SRRM4: variants seen among roughly 807,000 people sequenced by gnomAD.
The protein encoded by SRRM4 is serine/arginine repetitive matrix 4, also known as serine/arginine repetitive matrix protein 4.
SRRM4 carries 33 observed loss-of-function variants against 68.9 expected under a neutral mutation model. The ratio of observed to expected loss-of-function variants is 0.48; its 90% CI spans 0.36 to 0.64. The LOEUF (loss-of-function observed/expected upper bound fraction) is 0.64. Ranked by LOEUF, SRRM4 falls within the 30% of genes least tolerant of loss-of-function variation. SRRM4 has a pLI of 0.00. For synonymous variants in SRRM4, 318 were observed against 318.8 expected (o/e 1.00, Z 0.03); for missense variants, 817 against 827.1 (o/e 0.99, Z 0.15).
chr12:119,134,300 T>G (rs1954315171), intron 8 of SRRM4, among the ~76,000 whole-genome samples: 1 of 146,916 alleles, frequency 6.8e-6, no homozygotes. Context: ...AAATAGAAGA[T>G]CCCAAGACAG....
chr12:118,999,341 A>G (rs761872617), intron 1 of SRRM4, among the ~76,000 whole-genome samples: 1 of 152,138 alleles, frequency 6.6e-6, no homozygotes, highest in Non-Finnish European at 1.5e-5. Context: ...GGACAACGCC[A>G]GCTTTGCCTT....
In SRRM4 at chr12:119,121,549, T is replaced by C. The variant is rs142886453; in HGVS notation, c.465-521T>C. Among the ~76,000 whole-genome samples, 17 of 152,346 alleles carry C rather than the reference T, an allele frequency of 1.1e-4. 1 individual carries two copies. In the East Asian group the frequency reaches 3.1e-3, roughly 28 times the overall value. On this transcript the variant is annotated intron_variant, in intron 5 of 12. Coordinates refer to ENST00000267260, the MANE Select transcript of SRRM4 (RefSeq NM_194286.4). ...ATATTCCATTTGCTTCTCTTATAAA[T>C]TGATTGAACAGCAGTCAAGAGCATG...
chr12:119,061,529 C>G (rs1953812376), intron 1 of SRRM4, among the ~76,000 whole-genome samples: 2 of 152,174 alleles, frequency 1.3e-5, no homozygotes, highest in Admixed American at 1.3e-4. Context: ...TTTCAGGTGT[C>G]TCTCACTTTT....
chr12:119,072,987 G>T (rs1338912520), intron 1 of SRRM4, among the ~76,000 whole-genome samples: 2 of 152,002 alleles, frequency 1.3e-5, no homozygotes, highest in African/African-American at 2.4e-5. Context: ...GCCTCCAAAA[G>T]AGAACAGAGA....
intron 1 of SRRM4, among the ~76,000 whole-genome samples, chr12:119,083,700 C>T (rs746672644): frequency 1.3e-5 from 2 of 152,190 alleles, no homozygotes; most frequent in Non-Finnish European, 2.9e-5. Context: ...TGGCCAGGGA[C>T]ATTTGCTGGT....
intron 1 of SRRM4, among the ~76,000 whole-genome samples, chr12:119,011,626 A>G (rs1953450317): frequency 6.6e-6 from 1 of 152,244 alleles, no homozygotes. Flanking sequence ...GACTTTGGAA[A>G]TTAAAAAAAT....
intron 1 of SRRM4, among the ~76,000 whole-genome samples, chr12:119,013,784 G>A (rs998818123): frequency 1.3e-5 from 2 of 152,072 alleles, no homozygotes; most frequent in African/African-American, 4.8e-5. Flanking sequence ...GTAACAAACA[G>A]TACTACTGTA....
At chr12:119,087,019 G>C (rs896636655) in intron 1 of SRRM4, among the ~76,000 whole-genome samples, 4 of 152,198 alleles carry the variant, frequency 2.6e-5, no homozygotes, top group African/African-American at 7.2e-5. Context: ...TCTACGCGTG[G>C]TTCCCATGGT....
At chr12:119,130,931 C>A in intron 8 of SRRM4, 97 bp downstream of exon 8, 1 of 1,221,748 alleles carries the variant, frequency 8.2e-7, no homozygotes, top group Non-Finnish European at 1.1e-6. Flanking sequence ...CACTTTAATT[C>A]AATTTCTGAC....
intron 1 of SRRM4, among the ~76,000 whole-genome samples, chr12:118,993,075 C>T (rs764502841): frequency 3.3e-5 from 5 of 152,158 alleles, no homozygotes; most frequent in Non-Finnish European, 7.3e-5. Context: ...ATCCTCACTA[C>T]AGTAAGTACC....
intron 1 of SRRM4, among the ~76,000 whole-genome samples, chr12:119,069,054 G>T (rs989962838): frequency 5.9e-5 from 9 of 152,140 alleles, no homozygotes; most frequent in African/African-American, 2.2e-4. Context: ...CAAGGTGGCT[G>T]AGGGAGAGAA....
intron 8 of SRRM4, among the ~76,000 whole-genome samples, chr12:119,134,520 C>T (rs66754287): frequency 0.11 from 16,532 of 151,996 alleles, 1,115 homozygotes; most frequent in African/African-American, 0.18. Flanking sequence ...GTCAGGAGCA[C>T]CAGTACTTTC....
chr12:119,073,518 T>C (rs1953890666), intron 1 of SRRM4, among the ~76,000 whole-genome samples: 1 of 152,034 alleles, frequency 6.6e-6, no homozygotes, highest in Admixed American at 6.6e-5. Flanking sequence ...AGAGATGGGG[T>C]TTAGCCATGT....
chr12:119,154,371 G>C lies in SRRM4; in HGVS notation c.1520G>C (p.Arg507Pro). Residue 507 changes from arginine (R) to proline (P), a missense_variant, in exon 12 of 13, where the codon CGG becomes CCG. Transcript: ENST00000267260. The surrounding 1 kb of genome is among the most constrained non-coding windows in gnomAD (Gnocchi z 4.7). Reference protein sequence around the residue: ...RRDSPSHLEARRITSARKRPI... With the variant: ...RRDSPSHLEAPRITSARKRPI... ...GACTCCCCGAGCCACCTGGAGGCCC[G>C]GAGGATAACCAGGTGAGGCCAGGGG... The C allele has an allele frequency of 6.2e-7, 1 of 1,613,004 alleles. No individual in the cohort carries two copies. Among genetic ancestry groups the C allele is most frequent in the Non-Finnish European group, 8.5e-7 (1 of 1,179,744 alleles).
At position 118,998,268 on chromosome 12, in the gene SRRM4, C is replaced by CAAAAAAAAAAAA. The variant is rs35250419; in HGVS notation, c.131+16275_131+16286dup. Among the ~76,000 whole-genome samples, 22 of 36,584 alleles carry CAAAAAAAAAAAA rather than the reference C, an allele frequency of 6.0e-4. 7 individuals are homozygous for CAAAAAAAAAAAA. The highest frequency in any genetic ancestry group is 3.7e-3 in the Admixed American group (7 of 1,902). The allele number at this position is 36,584 out of a possible 152,430, so 24.0% of individuals were successfully genotyped here. A position where few individuals can be genotyped will look rare whatever the true frequency, so the allele number is the denominator to read the frequency against. The stretch of plus-strand genomic sequence containing the variant: ...AACTGAGTGGATAAGAGCAATATGG[C>CAAAAAAAAAAAA]AAAAAAAAAAAAAAAAAAAAAAAAA... On this transcript the variant is annotated intron_variant, in intron 1 of 12. Transcript: ENST00000267260.
At chr12:118,999,485 A>G (rs1953370017) in intron 1 of SRRM4, among the ~76,000 whole-genome samples, 1 of 152,214 alleles carries the variant, frequency 6.6e-6, no homozygotes, top group South Asian at 2.1e-4. Flanking sequence ...GATTTATCTT[A>G]TCTGCAGCAT....
At chr12:119,036,229 A>G (rs1485088505) in intron 1 of SRRM4, among the ~76,000 whole-genome samples, 1 of 152,196 alleles carries the variant, frequency 6.6e-6, no homozygotes, top group African/African-American at 2.4e-5. Flanking sequence ...AACCAGTGCC[A>G]CAGGCTCCAC....
intron 1 of SRRM4, among the ~76,000 whole-genome samples, chr12:119,022,152 G>T (rs147810487): frequency 6.6e-6 from 1 of 151,692 alleles, no homozygotes; most frequent in African/African-American, 2.4e-5. Context: ...CATTCTGCCC[G>T]TATCCTGGAA....
chr12:119,133,029 G>A (rs1256578018), intron 8 of SRRM4: 1 of 152,116 alleles, frequency 6.6e-6, no homozygotes, highest in Non-Finnish European at 1.5e-5. Flanking sequence ...CCCAGTACTT[G>A]ATACAGGTGC....
Sources: gnomAD v4.1 joint callset for allele counts (sites outside exome capture counted in the v4.1 genomes callset) on GRCh38, gnomAD v4.1.1 for gene constraint, Gnocchi (gnomAD v3.1) non-coding constraint, MANE v1.5 for transcripts, NCBI Gene and HGNC (gene_info 2026-07-23, HGNC 2026-07-21) for gene names.